TRPV1: variants seen among roughly 807,000 people sequenced by gnomAD.
TRPV1 encodes transient receptor potential cation channel subfamily V member 1.
In TRPV1, 82 loss-of-function variants were observed where a neutral mutation model predicts 82.3. The ratio of observed to expected loss-of-function variants is 1.00; its 90% CI spans 0.83 to 1.20. The LOEUF (loss-of-function observed/expected upper bound fraction) is 1.20, where lower values mean the gene tolerates loss of function less well. TRPV1 is among the 50% of genes most tolerant of loss of function. TRPV1 has a pLI of 0.00. For synonymous variants in TRPV1, 515 were observed against 467.7 expected, an observed-to-expected ratio of 1.10 and a Z score of -1.30; for missense variants, 1,067 against 1,096.8, an observed-to-expected ratio of 0.97 and a Z score of 0.38.
chr17:3,581,719 T>C (rs1362834468), intron 10 of TRPV1, among the ~76,000 whole-genome samples: 7 of 147,606 alleles, frequency 4.7e-5, no homozygotes, highest in African/African-American at 1.7e-4. Context: ...ACCCCGTCTC[T>C]ACTAAAAATA....
chr17:3,588,072 C>T lies in TRPV1; in HGVS notation c.1224+116G>A, dbSNP rs76609451. 980 of 1,264,870 alleles carry T rather than the reference C, an allele frequency of 7.7e-4. 5 individuals are homozygous for T. The African/African-American group carries it at 0.013, about 17-fold the overall frequency. The allele number at this position is 1,264,870 out of a possible 1,614,324, so 78.4% of individuals were successfully genotyped here. On this transcript the variant is annotated intron_variant, in intron 8 of 16. Coordinates refer to ENST00000572705, the MANE Select transcript of TRPV1 (RefSeq NM_080704.4). ...GAACGTGAGGCTGCAGGGCCTGGGC[C>T]CGGGCGCAGCAGGCTTTCCCTCCTG...
chr17:3,608,566 C>T lies in TRPV1; in HGVS notation c.-172-1G>A, dbSNP rs1458070371. 1 of 152,198 alleles carries T rather than the reference C, an allele frequency of 6.6e-6. No individual in the cohort carries two copies. The highest frequency in any genetic ancestry group is 2.4e-5 in the African/African-American group (1 of 41,428). 9.4% of individuals were successfully genotyped at this position (152,198 alleles called of 1,614,324 possible). On this transcript the variant is annotated splice_acceptor_variant, in intron 1 of 16. Transcript: ENST00000572705. LOFTEE classifies it low-confidence loss of function (5UTR_SPLICE). Reference sequence around the variant, plus strand: ...GGCACGGCAGAGACTCTCCATCACACTGCTCAGAACAATGCACAAGGGAAA... The same window carrying T: ...GGCACGGCAGAGACTCTCCATCACATTGCTCAGAACAATGCACAAGGGAAA...
rs144259847 is a variant in TRPV1, at chr17:3,580,887, C to T, written c.1477-360G>A. ...CAAAACAATTAGCTGCGCGTGGTGG[C>T]GGGCACCTGTAATCCCAGCTACTCA... On this transcript the variant is annotated intron_variant, in intron 10 of 16. Transcript: ENST00000572705. Among the ~76,000 whole-genome samples the T allele has an allele frequency of 6.4e-3, 970 of 152,116 alleles. 5 individuals carry two copies. Among genetic ancestry groups the T allele is most frequent in the Non-Finnish European group, 0.011 (746 of 67,998 alleles).
chr17:3,582,610 TA>T (rs58690941), intron 10 of TRPV1, among the ~76,000 whole-genome samples: 99,042 of 147,488 alleles, frequency 0.67, 34,654 homozygotes, highest in African/African-American at 0.87. Flanking sequence ...ACTCCTGCAT[TA>T]AAAAAAAAAA....
At chr17:3,580,613 A>G (rs2074994898) in intron 10 of TRPV1, 86 bp from the exon 11 acceptor site, 2 of 1,394,800 alleles carry the variant, frequency 1.4e-6, no homozygotes, top group Non-Finnish European at 2.0e-6. Context: ...AAATGGCACC[A>G]TGATGGGGTG....
intron 10 of TRPV1, among the ~76,000 whole-genome samples, chr17:3,582,058 C>T (rs224528): frequency 0.97 from 137,494 of 141,770 alleles, 66,760 homozygotes; most frequent in Non-Finnish European, 0.99. Flanking sequence ...GGCGTGGTGG[C>T]GGGTGCCTGT....
rs201778834 is a variant in TRPV1, at chr17:3,566,927, C to T, written c.2408G>A (p.Arg803Gln). The change falls in exon 17 of 17, where the codon CGA becomes CAA. Residue 803 changes from arginine (R) to glutamine (Q), a missense_variant. Transcript: ENST00000572705. ...CTCGGGCTGAGCAGACTGCCTATCT[C>T]GAGCACTTGCCTCTCTTAAAAGGGG... is the stretch of plus-strand genomic sequence containing the variant. ...LVPLLREASA[R>Q]DRQSAQPEEV... The T allele has an allele frequency of 3.7e-6, 6 of 1,613,970 alleles. No individual in the cohort carries two copies. Among genetic ancestry groups the T allele is most frequent in the South Asian group, 1.1e-5 (1 of 91,078 alleles).
At chr17:3,590,521 C>A in intron 5 of TRPV1, 129 bp from the exon 6 acceptor site, 1 of 1,369,490 alleles carries the variant, frequency 7.3e-7, no homozygotes, top group Non-Finnish European at 9.7e-7. Context: ...GCCTGGAGGA[C>A]CCCCCCACTG....
At chr17:3,567,471 T>G (rs1309785185) in intron 16 of TRPV1, among the ~76,000 whole-genome samples, 1 of 150,316 alleles carries the variant, frequency 6.7e-6, no homozygotes, top group African/African-American at 2.5e-5. Context: ...ATCGGTGCAA[T>G]GTCCTCCTCC....
intron 2 of TRPV1, among the ~76,000 whole-genome samples, chr17:3,599,705 T>C (rs1314106448): frequency 6.6e-6 from 1 of 151,700 alleles, no homozygotes; most frequent in Non-Finnish European, 1.5e-5. Flanking sequence ...CTCAGCTCAC[T>C]GCAACCTCCA....
intron 16 of TRPV1, among the ~76,000 whole-genome samples, chr17:3,567,473 T>C (rs2074783910): frequency 6.6e-6 from 1 of 151,336 alleles, no homozygotes; most frequent in Non-Finnish European, 1.5e-5. Context: ...CGGTGCAATG[T>C]CCTCCTCCCT....
At chr17:3,590,170 C>T in intron 6 of TRPV1, 65 bp from the exon 7 acceptor site, 2 of 1,586,880 alleles carry the variant, frequency 1.3e-6, no homozygotes, top group East Asian at 2.2e-5. Flanking sequence ...GAACCACCGG[C>T]CTCCAAACTC....
chr17:3,582,538 G>A (rs1212015269), intron 10 of TRPV1, among the ~76,000 whole-genome samples: 4 of 151,776 alleles, frequency 2.6e-5, no homozygotes, highest in South Asian at 2.1e-4. Context: ...TATAAATATG[G>A]TTTTTGCAAG....
At chr17:3,601,618 A>G (rs1304604922) in intron 2 of TRPV1, 1 of 151,768 alleles carries the variant, frequency 6.6e-6, no homozygotes, top group East Asian at 1.9e-4. Context: ...TTTTTTTTAA[A>G]GAGGTGGTAT....
At chr17:3,600,079 T>C (rs2075250093) in intron 2 of TRPV1, among the ~76,000 whole-genome samples, 1 of 152,238 alleles carries the variant, frequency 6.6e-6, no homozygotes, top group South Asian at 2.1e-4. Flanking sequence ...TATCTGGTCC[T>C]GTCCCTGCTT....
chr17:3,595,965 T>G (rs1453080388), intron 2 of TRPV1: 1 of 152,270 alleles, frequency 6.6e-6, no homozygotes, highest in Non-Finnish European at 1.5e-5. Context: ...GAGTGTACCC[T>G]GCACCTAAGC....
In TRPV1 at chr17:3,573,551, C is replaced by CCCCCCCCCCCCCCCCCCT; in HGVS notation, c.2103+81_2103+82insAGGGGGGGGGGGGGGGGG. 10 of 635,234 alleles carry CCCCCCCCCCCCCCCCCCT rather than the reference C, an allele frequency of 1.6e-5. 1 individual carries two copies. Among genetic ancestry groups the CCCCCCCCCCCCCCCCCCT allele is most frequent in the South Asian group, 6.1e-5 (1 of 16,418 alleles). 39.3% of individuals were successfully genotyped at this position (635,234 alleles called of 1,614,324 possible). ...CACACCGCCCCCACCACCCACCCAC[C>CCCCCCCCCCCCCCCCCCT]TGCAGCCAGCTGTGTAAGACAGCAG... On this transcript the variant is annotated intron_variant, in intron 14 of 16. Transcript: ENST00000572705.
intron 8 of TRPV1, among the ~76,000 whole-genome samples, chr17:3,587,627 T>G (rs537973423): frequency 6.6e-6 from 1 of 152,186 alleles, no homozygotes; most frequent in African/African-American, 2.4e-5. Context: ...GAGACCACCC[T>G]GACCAACATG....
intron 2 of TRPV1, among the ~76,000 whole-genome samples, chr17:3,593,210 C>T (rs976761446): frequency 1.3e-5 from 2 of 151,948 alleles, no homozygotes; most frequent in African/African-American, 4.8e-5. Context: ...CTCCACCTCC[C>T]AGGTTCAAGC....
Sources: allele counts gnomAD v4.1 joint callset (sites outside exome capture counted in the v4.1 genomes callset), GRCh38; gene constraint gnomAD v4.1.1; transcripts MANE v1.5; gene names NCBI Gene and HGNC (gene_info 2026-07-23, HGNC 2026-07-21).